The following CERK variants were observed in gnomAD, a reference collection of about 807,000 sequenced individuals.
CERK encodes acylsphingosine kinase.
In CERK, 39 loss-of-function variants were observed where a neutral mutation model predicts 63.4. That is an observed-to-expected ratio of 0.61 (90% CI 0.48 to 0.80). CERK has a LOEUF of 0.80. Among genes scored for constraint, CERK ranks in the 30% least tolerant of loss-of-function variants. CERK has a pLI of 0.00. For synonymous variants in CERK, 302 were observed against 280.0 expected, an observed-to-expected ratio of 1.08 and a Z score of -0.78; for missense variants, 670 against 714.1, an observed-to-expected ratio of 0.94 and a Z score of 0.70.
intron 5 of CERK, among the ~76,000 whole-genome samples, chr22:46,709,478 A>G (rs1460111556): frequency 6.6e-6 from 1 of 152,214 alleles, no homozygotes; most frequent in Non-Finnish European, 1.5e-5. Flanking sequence ...GCCCATGAAC[A>G]GAACACTCCC....
intron 1 of CERK, among the ~76,000 whole-genome samples, chr22:46,726,209 T>C (rs1299413153): frequency 1.3e-5 from 2 of 152,224 alleles, no homozygotes; most frequent in Non-Finnish European, 2.9e-5. Flanking sequence ...GCCCCAGATG[T>C]CTTTCGCCTC....
In CERK at chr22:46,687,073, T is replaced by C. The variant is rs2082705287; in HGVS notation, c.*61A>G. 3 of 1,329,622 alleles carry C rather than the reference T, an allele frequency of 2.3e-6. No individual in the cohort carries two copies. Among genetic ancestry groups the C allele is most frequent in the Admixed American group, 1.7e-5 (1 of 58,116 alleles). The allele number at this position is 1,329,622 out of a possible 1,614,324, so 82.4% of individuals were successfully genotyped here. ...AATGTATATATCAACATAATTGGTC[T>C]GTAATAATTATCTTAAATAGTTTTC... On this transcript the variant is annotated 3_prime_UTR_variant, in exon 13 of 13. Coordinates refer to ENST00000216264, the MANE Select transcript of CERK (RefSeq NM_022766.6).
chr22:46,723,842 C>T lies in CERK; in HGVS notation c.143-2827G>A, dbSNP rs907014777. On this transcript the variant is annotated intron_variant, in intron 1 of 12. Transcript: ENST00000216264. ...CCTCCTGAGTAGCTGGGATTATAGG[C>T]GCCTGCCACCGCACCCGGCTAACTT... is the stretch of plus-strand genomic sequence containing the variant. 7.9e-5 allele frequency among the ~76,000 whole-genome samples: 12 copies of T among 152,076 alleles called. No homozygotes were observed. The South Asian group carries it at 8.3e-4, about 11-fold the overall frequency.
chr22:46,705,675 A>C (rs779046971), intron 6 of CERK, among the ~76,000 whole-genome samples: 93 of 152,158 alleles, frequency 6.1e-4, no homozygotes, highest in African/African-American at 1.3e-3. Context: ...TGATTCAAAC[A>C]AACCAACCAA....
chr22:46,696,602 A>G (rs901086641), intron 8 of CERK, among the ~76,000 whole-genome samples: 1 of 152,206 alleles, frequency 6.6e-6, no homozygotes, highest in Non-Finnish European at 1.5e-5. Context: ...GTGTCTCAAC[A>G]GAGTGTGTCA....
intron 1 of CERK, among the ~76,000 whole-genome samples, chr22:46,736,858 C>T (rs960849936): frequency 1.3e-5 from 2 of 152,162 alleles, no homozygotes; most frequent in Admixed American, 6.5e-5. Context: ...AACTCCTGAC[C>T]TCGACTGCCC....
At chr22:46,736,241 G>A (rs1441465582) in intron 1 of CERK, among the ~76,000 whole-genome samples, 1 of 152,266 alleles carries the variant, frequency 6.6e-6, no homozygotes, top group African/African-American at 2.4e-5. Flanking sequence ...CTGACCTGGG[G>A]GACCAGAAAC....
At chr22:46,690,399 T>C (rs1435503898) in intron 11 of CERK, among the ~76,000 whole-genome samples, 199 bp from the exon 12 acceptor site, 1 of 151,996 alleles carries the variant, frequency 6.6e-6, no homozygotes, top group Non-Finnish European at 1.5e-5. Flanking sequence ...AAGGGAAACC[T>C]GGCACCCACC....
intron 7 of CERK, 86 bp downstream of exon 7, chr22:46,701,550 A>C: frequency 8.6e-7 from 1 of 1,157,656 alleles, no homozygotes; most frequent in Non-Finnish European, 1.2e-6. Flanking sequence ...AACGGCTGGA[A>C]CACGCGACGG....
intron 3 of CERK, among the ~76,000 whole-genome samples, chr22:46,715,208 A>C (rs1367326260): frequency 6.6e-6 from 1 of 152,210 alleles, no homozygotes; most frequent in Non-Finnish European, 1.5e-5. Flanking sequence ...GACTGAGACA[A>C]GGATGCTGCT....
intron 4 of CERK, among the ~76,000 whole-genome samples, chr22:46,711,644 A>G (rs543608661): frequency 6.6e-6 from 1 of 152,356 alleles, no homozygotes; most frequent in East Asian, 1.9e-4. Flanking sequence ...TTTTCTGTCC[A>G]GAATCGTTGC....
intron 1 of CERK, among the ~76,000 whole-genome samples, chr22:46,729,780 C>T (rs2082936509): frequency 6.6e-6 from 1 of 152,172 alleles, no homozygotes; most frequent in South Asian, 2.1e-4. Flanking sequence ...TGGCTCATGC[C>T]TGTAATCCCA....
intron 1 of CERK, among the ~76,000 whole-genome samples, chr22:46,724,610 G>A (rs907862612): frequency 3.3e-5 from 5 of 152,224 alleles, no homozygotes; most frequent in African/African-American, 7.2e-5. Context: ...GGAGCATGGT[G>A]TAAAGGGGGT....
chr22:46,712,578 G>T (rs6008956), intron 3 of CERK, among the ~76,000 whole-genome samples: 2,866 of 152,288 alleles, frequency 0.019, 93 homozygotes, highest in African/African-American at 0.066. Context: ...CTGCTCTGAA[G>T]GGTGCTGTCG....
At chr22:46,736,343 G>A (rs2082973317) in intron 1 of CERK, among the ~76,000 whole-genome samples, 2 of 152,254 alleles carry the variant, frequency 1.3e-5, no homozygotes, top group South Asian at 4.1e-4. Context: ...CGTCTCTGCG[G>A]CGGCTGGAGC....
chr22:46,691,052 TAC>T (rs753033175), intron 11 of CERK, among the ~76,000 whole-genome samples: 17 of 78,514 alleles, frequency 2.2e-4, no homozygotes, highest in African/African-American at 8.2e-4. Flanking sequence ...CATGTATACA[TAC>T]ATACACACAC....
intron 1 of CERK, among the ~76,000 whole-genome samples, chr22:46,732,503 T>A (rs903878326): frequency 1.3e-5 from 2 of 151,886 alleles, no homozygotes; most frequent in Non-Finnish European, 2.9e-5. Context: ...TCTTCTCGAG[T>A]ATGAAAGTTT....
chr22:46,689,918 G>C, intron 12 of CERK, 74 bp downstream of exon 12: 4 of 1,174,356 alleles, frequency 3.4e-6, no homozygotes, highest in Non-Finnish European at 4.7e-6. Context: ...CCCCACCCTG[G>C]GTGGGGCAGC....
chr22:46,687,118 G>T lies in CERK; in HGVS notation c.*16C>A, dbSNP rs2082705745. 4 of 1,611,552 alleles carry T rather than the reference G, an allele frequency of 2.5e-6. No homozygotes were observed. The highest frequency in any genetic ancestry group is 3.4e-6 in the Non-Finnish European group (4 of 1,177,676). On this transcript the variant is annotated 3_prime_UTR_variant, in exon 13 of 13. Transcript: ENST00000216264. Reference sequence around the variant, plus strand: ...GTTTTCACACTTTCCCAGTTTGTGAGCAGGACGCCGGCTTCTCAGCTGTGT... The same window carrying T: ...GTTTTCACACTTTCCCAGTTTGTGATCAGGACGCCGGCTTCTCAGCTGTGT...
Sources: allele counts gnomAD v4.1 joint callset (sites outside exome capture counted in the v4.1 genomes callset), GRCh38; gene constraint gnomAD v4.1.1; transcripts MANE v1.5; gene names NCBI Gene and HGNC (gene_info 2026-07-23, HGNC 2026-07-21).